DERL1: variants seen among roughly 807,000 people sequenced by gnomAD.
The protein encoded by DERL1 is derlin 1, also known as derlin-1.
Under a neutral mutation model 41.6 loss-of-function variants are expected in DERL1, and 24 were observed. The ratio of observed to expected loss-of-function variants is 0.58; its 90% CI spans 0.42 to 0.81. The LOEUF (loss-of-function observed/expected upper bound fraction) is 0.81. DERL1 is among the 30% of genes least tolerant of loss of function. DERL1 has a pLI of 0.00. For missense variants in DERL1, 260 were observed against 314.3 expected (o/e 0.83, Z 1.31); for synonymous variants, 124 against 112.5 (o/e 1.10, Z -0.65).
intron 2 of DERL1, among the ~76,000 whole-genome samples, chr8:123,026,113 A>T (rs1812683447): frequency 6.6e-6 from 1 of 152,202 alleles, no homozygotes; most frequent in South Asian, 2.1e-4. Context: ...AACAAGTGTC[A>T]GTAAGGCAAA....
intron 1 of DERL1, among the ~76,000 whole-genome samples, chr8:123,037,589 A>G (rs1222266620): frequency 6.6e-6 from 1 of 152,248 alleles, no homozygotes; most frequent in Non-Finnish European, 1.5e-5. Context: ...CTACTCGAAT[A>G]GAAAAGGAAA....
At chr8:123,022,883 G>T in intron 4 of DERL1, 104 bp from the exon 5 acceptor site, 1 of 795,340 alleles carries the variant, frequency 1.3e-6, no homozygotes, top group Non-Finnish European at 2.1e-6. Flanking sequence ...ATCCTCACCT[G>T]GGTAAAGGGA....
At position 123,015,353 on chromosome 8, in the gene DERL1, G is replaced by T; in HGVS notation, c.*94C>A. ...GAAAGACTACATTCAGTGTGGGTCA[G>T]GTCCAACAGTGTTAGCCAGAACGCA... On this transcript the variant is annotated 3_prime_UTR_variant, in exon 8 of 8. Transcript: ENST00000259512. 6.8e-7 allele frequency: 1 copy of T among 1,481,312 alleles called. No homozygotes were observed. The highest frequency in any genetic ancestry group is 9.1e-7 in the Non-Finnish European group (1 of 1,098,932). The allele number at this position is 1,481,312 out of a possible 1,614,324, so 91.8% of individuals were successfully genotyped here. A position where few individuals can be genotyped will look rare whatever the true frequency, so the allele number is the denominator to read the frequency against.
At chr8:123,040,138 A>G (rs1235142500) in intron 1 of DERL1, among the ~76,000 whole-genome samples, 1 of 152,122 alleles carries the variant, frequency 6.6e-6, no homozygotes, top group Non-Finnish European at 1.5e-5. Context: ...AACTGCTTGA[A>G]CCCAGGAGAC....
chr8:123,019,592 C>A (rs578115362), intron 6 of DERL1, among the ~76,000 whole-genome samples: 1 of 152,308 alleles, frequency 6.6e-6, no homozygotes, highest in South Asian at 2.1e-4. Context: ...TTTGCTACTT[C>A]CTGCCTCAAG....
At position 123,031,530 on chromosome 8, in the gene DERL1, C is replaced by T. The variant is rs530054106; in HGVS notation, c.154-814G>A. 4.6e-5 allele frequency among the ~76,000 whole-genome samples: 7 copies of T among 151,628 alleles called. No homozygotes were observed. The East Asian group carries it at 5.8e-4, about 13-fold the overall frequency. ...ACTACACTCCAGCCTGGGTGACGAG[C>T]GAAACTCCGTCTCAAAAAATTAAAT... On this transcript the variant is annotated intron_variant, in intron 1 of 7. Coordinates refer to ENST00000259512, the MANE Select transcript of DERL1 (RefSeq NM_024295.6).
rs73337828 is a variant in DERL1 at position 123,024,070 on chromosome 8, A to T, written c.331-331T>A. Among the ~76,000 whole-genome samples, 205 of 152,362 alleles carry T rather than the reference A, an allele frequency of 1.3e-3. 2 individuals are homozygous for T. Among genetic ancestry groups the T allele is most frequent in the African/African-American group, 4.8e-3 (198 of 41,582 alleles). ...AACATTCTACAACACAAAGGTATCT[A>T]ATCTTCATTATGCATATTCCATTAG... is the stretch of plus-strand genomic sequence containing the variant. On this transcript the variant is annotated intron_variant, in intron 3 of 7. Coordinates refer to ENST00000259512, the MANE Select transcript of DERL1 (RefSeq NM_024295.6).
chr8:123,028,109 G>C (rs1231895017), intron 2 of DERL1, among the ~76,000 whole-genome samples: 4 of 150,856 alleles, frequency 2.7e-5, no homozygotes, highest in African/African-American at 9.8e-5. Context: ...TTGCAATTTA[G>C]GTTTAATAAT....
intron 6 of DERL1, among the ~76,000 whole-genome samples, chr8:123,019,658 T>G (rs1198889215): frequency 6.6e-6 from 1 of 152,192 alleles, no homozygotes; most frequent in African/African-American, 2.4e-5. Flanking sequence ...AATATTGTAT[T>G]TATAAAATGT....
At chr8:123,032,117 T>C (rs982068430) in intron 1 of DERL1, among the ~76,000 whole-genome samples, 13 of 150,820 alleles carry the variant, frequency 8.6e-5, no homozygotes, top group Non-Finnish European at 1.8e-4. Flanking sequence ...CTTTATTCAT[T>C]TGTTTTTCTG....
rs147203683 is a variant in DERL1, at chr8:123,027,164, C to T, written c.266-2114G>A. Among the ~76,000 whole-genome samples, 289 of 151,770 alleles carry T rather than the reference C, an allele frequency of 1.9e-3. 4 individuals carry two copies. In the East Asian group the frequency reaches 0.041, roughly 21 times the overall value. On this transcript the variant is annotated intron_variant, in intron 2 of 7. Transcript: ENST00000259512. ...CAAAAATTAGCCAGATGTGGTGGTG[C>T]GTGCCTGTAGTCCCAGCTACTCAGG...
At chr8:123,026,194 C>A (rs906867968) in intron 2 of DERL1, among the ~76,000 whole-genome samples, 1 of 152,148 alleles carries the variant, frequency 6.6e-6, no homozygotes, top group South Asian at 2.1e-4. Flanking sequence ...TCCCTTGATA[C>A]CTCAAAGCAC....
At chr8:123,037,710 T>C (rs1175675964) in intron 1 of DERL1, among the ~76,000 whole-genome samples, 4 of 152,238 alleles carry the variant, frequency 2.6e-5, no homozygotes, top group Non-Finnish European at 4.4e-5. Context: ...AGCTTAGAAC[T>C]ATCCTTGACT....
chr8:123,032,445 A>G (rs1812836963), intron 1 of DERL1, among the ~76,000 whole-genome samples: 1 of 152,112 alleles, frequency 6.6e-6, no homozygotes, highest in Non-Finnish European at 1.5e-5. Flanking sequence ...GCATTTCCTC[A>G]TACATTATGA....
chr8:123,019,272 T>C lies in DERL1; in HGVS notation c.540A>G (p.Gly180=). ...TGAACATTAGGAAAAAATAAAGATG[T>C]CCAACCAGATTTCCAATAAGCTCAT... The part of the protein sequence containing the change: ...VINELIGNLV[G]HLYFFLMFRY... The change falls in exon 7 of 8, where the codon GGA becomes GGG. Residue 180 remains glycine, a synonymous_variant. Transcript: ENST00000259512. 6 of 1,614,012 alleles carry C rather than the reference T, an allele frequency of 3.7e-6. No individual in the cohort carries two copies. The highest frequency in any genetic ancestry group is 1.7e-6 in the Non-Finnish European group (2 of 1,179,930).
rs376585597 is a variant in DERL1, at chr8:123,015,342, A to G, written c.*105T>C. 158 of 1,375,132 alleles carry G rather than the reference A, an allele frequency of 1.1e-4. No homozygotes were observed. The African/African-American group carries it at 2.0e-3, about 17-fold the overall frequency. 85.2% of individuals were successfully genotyped at this position (1,375,132 alleles called of 1,614,324 possible). ...TGTCTCGTACTGAAAGACTACATTC[A>G]GTGTGGGTCAGGTCCAACAGTGTTA... On this transcript the variant is annotated 3_prime_UTR_variant, in exon 8 of 8. Transcript: ENST00000259512.
At chr8:123,040,135 T>A (rs1813013635) in intron 1 of DERL1, among the ~76,000 whole-genome samples, 1 of 152,156 alleles carries the variant, frequency 6.6e-6, no homozygotes, top group South Asian at 2.1e-4. Context: ...GAGAACTGCT[T>A]GAACCCAGGA....
chr8:123,020,175 G>A (rs1172938346), intron 6 of DERL1, among the ~76,000 whole-genome samples: 1 of 152,194 alleles, frequency 6.6e-6, no homozygotes, highest in Non-Finnish European at 1.5e-5. Context: ...AAAGTAGTTT[G>A]TAGTATAAGA....
intron 1 of DERL1, among the ~76,000 whole-genome samples, chr8:123,039,060 A>G (rs1298634147): frequency 6.6e-6 from 1 of 152,168 alleles, no homozygotes; most frequent in African/African-American, 2.4e-5. Flanking sequence ...AGTATCTTTC[A>G]GTCCTGCTCG....
Sources: gnomAD v4.1 joint callset for allele counts (sites outside exome capture counted in the v4.1 genomes callset) on GRCh38, gnomAD v4.1.1 for gene constraint, MANE v1.5 for transcripts, NCBI Gene and HGNC (gene_info 2026-07-23, HGNC 2026-07-21) for gene names.